Variants in MDN1 observed in about 807,000 individuals in gnomAD.
The protein encoded by MDN1 is midasin AAA ATPase 1.
MDN1 carries 266 observed loss-of-function variants against 669.2 expected under a neutral mutation model. The ratio of observed to expected loss-of-function variants is 0.40; its 90% CI spans 0.36 to 0.44. MDN1 has a LOEUF of 0.44. Ranked by LOEUF, MDN1 falls within the 20% of genes least tolerant of loss-of-function variation. The probability of loss-of-function intolerance (pLI) is 1.00; values close to 1 mark genes in which losing one functional copy is unlikely to be tolerated. For missense variants in MDN1, 5,940 were observed against 6,754.0 expected, an observed-to-expected ratio of 0.88 and a Z score of 4.22; for synonymous variants, 2,385 against 2,457.1, an observed-to-expected ratio of 0.97 and a Z score of 0.87.
At chr6:89,805,534 A>AT (rs1767958271) in intron 1 of MDN1, among the ~76,000 whole-genome samples, 1 of 152,084 alleles carries the variant, frequency 6.6e-6, no homozygotes, top group South Asian at 2.1e-4. Flanking sequence ...AAACAGTTAA[A>AT]GCCCTGTCTC....
rs529045466 is a variant in MDN1 at position 89,673,560 on chromosome 6, T to G, written c.13248-98A>C. ...CACTACAAGATATGCAAGGTAGAAC[T>G]CATCATAGCTGAAGGTTTACGGCTA... On this transcript the variant is annotated intron_variant, in intron 79 of 101. Transcript: ENST00000369393. The G allele has an allele frequency of 2.9e-6, 3 of 1,047,908 alleles. No individual in the cohort carries two copies. In the African/African-American group the frequency reaches 4.7e-5, roughly 17 times the overall value. 64.9% of individuals were successfully genotyped at this position (1,047,908 alleles called of 1,614,324 possible). A position where few individuals can be genotyped will look rare whatever the true frequency, so the allele number is the denominator to read the frequency against.
chr6:89,769,743 C>T (rs983926362), intron 15 of MDN1, among the ~76,000 whole-genome samples: 2 of 152,174 alleles, frequency 1.3e-5, no homozygotes, highest in Non-Finnish European at 2.9e-5. Context: ...CCAACCTTTT[C>T]GTGTCATCAA....
chr6:89,733,632 C>CA lies in MDN1; in HGVS notation c.4724-858dup, dbSNP rs200834077. 5.9e-3 allele frequency among the ~76,000 whole-genome samples: 725 copies of CA among 122,868 alleles called. 2 individuals are homozygous for CA. The highest frequency in any genetic ancestry group is 0.015 in the African/African-American group (502 of 33,888). The allele number at this position is 122,868 out of a possible 152,430, so 80.6% of individuals were successfully genotyped here. ...TAATTGGTTGGAAGAATACTGATTA[C>CA]AAAAAAAAAAAAACTCTTTAAAAAG... On this transcript the variant is annotated intron_variant, in intron 33 of 101. Coordinates refer to ENST00000369393, the MANE Select transcript of MDN1 (RefSeq NM_014611.3).
intron 15 of MDN1, among the ~76,000 whole-genome samples, chr6:89,766,058 G>A (rs1353295839): frequency 1.3e-5 from 2 of 152,170 alleles, no homozygotes; most frequent in African/African-American, 2.4e-5. Flanking sequence ...ACTTTGGGAC[G>A]CTGAGGCAGG....
chr6:89,754,368 T>C (rs1248872426), intron 20 of MDN1, 138 bp from the exon 21 acceptor site: 1 of 807,770 alleles, frequency 1.2e-6, no homozygotes, highest in African/African-American at 1.8e-5. Flanking sequence ...TGCATCAAAA[T>C]ATCTTAGTCT....
At chr6:89,719,341 A>C in intron 40 of MDN1, 116 bp from the exon 41 acceptor site, 1 of 776,064 alleles carries the variant, frequency 1.3e-6, no homozygotes, top group East Asian at 2.7e-5. Context: ...ACTGGCCACA[A>C]TTCCCTTATC....
chr6:89,703,870 G>A (rs925182704), intron 53 of MDN1, among the ~76,000 whole-genome samples: 3 of 151,590 alleles, frequency 2.0e-5, no homozygotes, highest in South Asian at 2.1e-4. Flanking sequence ...AAAATTAGCT[G>A]AGCGTGGTGG....
At chr6:89,681,047 A>G (rs1485546529) in intron 73 of MDN1, among the ~76,000 whole-genome samples, 1 of 152,192 alleles carries the variant, frequency 6.6e-6, no homozygotes, top group Non-Finnish European at 1.5e-5. Flanking sequence ...AGAATGAATA[A>G]TATCACTGCT....
At chr6:89,685,282 CT>C (rs550718130) in intron 70 of MDN1, among the ~76,000 whole-genome samples, 27 of 152,082 alleles carry the variant, frequency 1.8e-4, no homozygotes, top group Non-Finnish European at 3.8e-4. Flanking sequence ...TGTCAAATTC[CT>C]TCTGTGAAAC....
At chr6:89,700,428 G>T (rs1813074197) in intron 56 of MDN1, 134 bp from the exon 57 acceptor site, 2 of 784,500 alleles carry the variant, frequency 2.5e-6, no homozygotes, top group South Asian at 1.8e-5. Context: ...TAAGCTTTGA[G>T]ATTCTCATCT....
chr6:89,689,447 G>A (rs1157216803), intron 65 of MDN1, among the ~76,000 whole-genome samples: 1 of 152,126 alleles, frequency 6.6e-6, no homozygotes, highest in Non-Finnish European at 1.5e-5. Flanking sequence ...GTAGGAAACT[G>A]CAATGAACCA....
Position 89,683,214 on chromosome 6 carries a change from C to T in MDN1, c.12020G>A (p.Gly4007Glu). The T allele has an allele frequency of 1.9e-6, 3 of 1,614,126 alleles. No individual in the cohort carries two copies. The highest frequency in any genetic ancestry group is 2.5e-6 in the Non-Finnish European group (3 of 1,180,020). Residue 4007 changes from glycine (G) to glutamate (E), a missense_variant, in exon 73 of 102, where the codon GGA (glycine) becomes GAA (glutamate). Physicochemically the swap from Gly to Glu is moderately conservative, Grantham distance 98 (BLOSUM62 -2). Transcript: ENST00000369393. ...QPDFLPRPTD[G>E]AASELSSIQN... ...AATGGAAGACAGTTCACTTGCAGCT[C>T]CATCTGTTGGCCTGGGCAAAAAGTC...
chr6:89,676,061 T>G (rs761469691), intron 77 of MDN1, 41 bp downstream of exon 77: 8 of 1,577,390 alleles, frequency 5.1e-6, no homozygotes, highest in Middle Eastern at 1.7e-4. Context: ...GAACAAGGGC[T>G]TTCCCTGAGC....
At chr6:89,662,661 A>G in intron 86 of MDN1, 131 bp downstream of exon 86, 1 of 1,110,128 alleles carries the variant, frequency 9.0e-7, no homozygotes, top group South Asian at 1.7e-5. Context: ...TAGAAAAAAG[A>G]AAAAGAGGAA....
chr6:89,819,673 G>T lies in MDN1; in HGVS notation c.-66C>A, dbSNP rs1769128959. 1.5e-6 allele frequency: 2 copies of T among 1,378,800 alleles called. No individual in the cohort carries two copies. The highest frequency in any genetic ancestry group is 2.0e-6 in the Non-Finnish European group (2 of 981,524). 85.4% of individuals were successfully genotyped at this position (1,378,800 alleles called of 1,614,324 possible). A position where few individuals can be genotyped will look rare whatever the true frequency, so the allele number is the denominator to read the frequency against. On this transcript the variant is annotated 5_prime_UTR_variant, in exon 1 of 102. Coordinates refer to ENST00000369393, the MANE Select transcript of MDN1 (RefSeq NM_014611.3). The stretch of plus-strand genomic sequence containing the variant: ...ACTTCGCGGCCAGCGTCCCCAAGCC[G>T]CCGAGGTCCCAGTGCCCGAGCAGCC...
At chr6:89,788,907 C>A (rs1022888508) in intron 7 of MDN1, among the ~76,000 whole-genome samples, 1 of 152,110 alleles carries the variant, frequency 6.6e-6, no homozygotes, top group Admixed American at 6.5e-5. Context: ...AGGCAGATCA[C>A]GAGGTCAGGA....
chr6:89,664,001 T>G (rs1324667715), intron 85 of MDN1, among the ~76,000 whole-genome samples: 3 of 151,856 alleles, frequency 2.0e-5, no homozygotes, highest in Non-Finnish European at 4.4e-5. Context: ...ATGGTTTCTG[T>G]GTGGGTATAC....
At chr6:89,814,998 C>T in intron 1 of MDN1, 1 of 602,584 alleles carries the variant, frequency 1.7e-6, no homozygotes, top group Non-Finnish European at 2.8e-6. Context: ...AAAGTAGCAC[C>T]AAGTGTCTGG....
Position 89,683,865 on chromosome 6 carries a change from A to C in MDN1, c.11869T>G (p.Trp3957Gly), listed in dbSNP as rs778653655. 6.3e-5 allele frequency: 102 copies of C among 1,613,600 alleles called. 1 individual carries two copies. The highest frequency in any genetic ancestry group is 6.9e-5 in the Non-Finnish European group (81 of 1,179,760). Residue 3957 changes from tryptophan (W) to glycine (G), a missense_variant, in exon 72 of 102, where the codon TGG becomes GGG. Trp to Gly is a radical substitution (Grantham distance 184). Coordinates refer to ENST00000369393, the MANE Select transcript of MDN1 (RefSeq NM_014611.3). The part of the protein sequence containing the change: ...KISKWNDVSF[W>G]SIKQSVEKTH... ...TTTTCTACAGATTGCTTAATGGACC[A>C]GAAGCTGACATCATTCCACTTGGAA...
Sources: gnomAD v4.1 joint callset for allele counts (sites outside exome capture counted in the v4.1 genomes callset) on GRCh38, gnomAD v4.1.1 for gene constraint, MANE v1.5 for transcripts, NCBI Gene and HGNC (gene_info 2026-07-23, HGNC 2026-07-21) for gene names.